The following DOK6 variants were observed in gnomAD, a reference collection of about 807,000 sequenced individuals.
DOK6 encodes the protein docking protein 6, also known as downstream of tyrosine kinase 6.
A neutral mutation model predicts 44.0 loss-of-function variants in DOK6; 22 were observed. That is an observed-to-expected ratio of 0.50 (90% CI 0.36 to 0.71). The LOEUF is 0.71. Among genes scored for constraint, DOK6 ranks in the 30% least tolerant of loss-of-function variants. The pLI, the probability that DOK6 is intolerant of heterozygous loss-of-function variation, is 0.00. For missense variants in DOK6, 340 were observed against 416.4 expected (o/e 0.82, Z 1.60); for synonymous variants, 166 against 145.5 (o/e 1.14, Z -1.01).
chr18:69,735,524 G>T (rs892209641), intron 5 of DOK6, among the ~76,000 whole-genome samples: 1 of 152,238 alleles, frequency 6.6e-6, no homozygotes, highest in Non-Finnish European at 1.5e-5. Flanking sequence ...GGTTGCATGG[G>T]GACACCCTTA....
intron 7 of DOK6, among the ~76,000 whole-genome samples, chr18:69,786,536 AT>A (rs1980435865): frequency 6.6e-6 from 1 of 152,220 alleles, no homozygotes; most frequent in Non-Finnish European, 1.5e-5. Context: ...GGTGAGATCA[AT>A]TAATTTTCCT....
rs149613925 is a variant in DOK6, at chr18:69,564,664, A to T, written c.174+70A>T. 549 of 1,275,244 alleles carry T rather than the reference A, an allele frequency of 4.3e-4. 4 individuals are homozygous for T. In the East Asian group the frequency reaches 0.011, roughly 26 times the overall value. 79.0% of individuals were successfully genotyped at this position (1,275,244 alleles called of 1,614,324 possible). ...GAAGACTTGTGGAGATATTTCTTTGATAAATGAAATCTTCAGTGGCAAAAA... is the reference window on the plus strand; with the variant it reads ...GAAGACTTGTGGAGATATTTCTTTGTTAAATGAAATCTTCAGTGGCAAAAA... On this transcript the variant is annotated intron_variant, in intron 2 of 7. Coordinates refer to ENST00000382713, the MANE Select transcript of DOK6 (RefSeq NM_152721.6).
In DOK6 at chr18:69,749,707, G is replaced by A. The variant is rs183798343; in HGVS notation, c.739-8049G>A. Among the ~76,000 whole-genome samples the A allele has an allele frequency of 4.7e-3, 720 of 152,152 alleles. 3 individuals are homozygous for A. Among genetic ancestry groups the A allele is most frequent in the African/African-American group, 0.016 (658 of 41,524 alleles). On this transcript the variant is annotated intron_variant, in intron 6 of 7. Coordinates refer to ENST00000382713, the MANE Select transcript of DOK6 (RefSeq NM_152721.6). The stretch of plus-strand genomic sequence containing the variant: ...TGTAATCCCAGCACTCTAGGAGGCC[G>A]AGGCAGGTAGATCATGAGGTCAAGA...
At chr18:69,809,842 A>G (rs561983097) in intron 7 of DOK6, among the ~76,000 whole-genome samples, 37 of 152,096 alleles carry the variant, frequency 2.4e-4, no homozygotes, top group African/African-American at 8.9e-4. Context: ...GAAGACACAA[A>G]TAAATGAAAA....
At chr18:69,679,779 C>T (rs534294259) in intron 4 of DOK6, among the ~76,000 whole-genome samples, 10 of 152,222 alleles carry the variant, frequency 6.6e-5, no homozygotes, top group African/African-American at 2.2e-4. Context: ...GTATAATGTA[C>T]TTCTTTGGTT....
At chr18:69,403,242 T>G (rs1190886170) in intron 1 of DOK6, among the ~76,000 whole-genome samples, 1 of 151,834 alleles carries the variant, frequency 6.6e-6, no homozygotes, top group Non-Finnish European at 1.5e-5. Flanking sequence ...GGCCCTGGAG[T>G]CTATAGGATT....
At chr18:69,505,491 C>CTT (rs772908185) in intron 1 of DOK6, among the ~76,000 whole-genome samples, 965 of 88,532 alleles carry the variant, frequency 0.011, 35 homozygotes, top group East Asian at 0.044. Context: ...TACTCCCATT[C>CTT]TTTTTTTTTT....
intron 7 of DOK6, among the ~76,000 whole-genome samples, chr18:69,821,384 A>C (rs192741836): frequency 7.6e-4 from 115 of 152,296 alleles, no homozygotes; most frequent in Non-Finnish European, 1.2e-3. Context: ...CGGGGGTGGC[A>C]GTGAAGGGAA....
intron 1 of DOK6, among the ~76,000 whole-genome samples, chr18:69,513,766 C>T (rs1392037820): frequency 6.6e-6 from 1 of 152,046 alleles, no homozygotes; most frequent in Admixed American, 6.5e-5. Context: ...TGAATCAATG[C>T]ATTTGTATTT....
At chr18:69,605,601 A>T (rs972774266) in intron 3 of DOK6, among the ~76,000 whole-genome samples, 3 of 152,188 alleles carry the variant, frequency 2.0e-5, no homozygotes, top group Non-Finnish European at 4.4e-5. Flanking sequence ...TATAATTTTC[A>T]ATATTCAGGA....
At chr18:69,404,283 A>G (rs948280041) in intron 1 of DOK6, among the ~76,000 whole-genome samples, 1 of 152,200 alleles carries the variant, frequency 6.6e-6, no homozygotes, top group African/African-American at 2.4e-5. Context: ...AAGAGGTCAA[A>G]AAGGCCCTTG....
At chr18:69,507,798 A>G (rs1348204776) in intron 1 of DOK6, among the ~76,000 whole-genome samples, 4 of 152,172 alleles carry the variant, frequency 2.6e-5, no homozygotes, top group Non-Finnish European at 5.9e-5. Context: ...ATGAATAGAT[A>G]AAATCCTATG....
intron 1 of DOK6, among the ~76,000 whole-genome samples, chr18:69,467,845 ATTG>A (rs964110351): frequency 5.3e-5 from 8 of 152,094 alleles, no homozygotes; most frequent in African/African-American, 1.7e-4. Flanking sequence ...AATTATTATT[ATTG>A]TTGTGATATC....
At chr18:69,731,922 G>A (rs1978418831) in intron 5 of DOK6, among the ~76,000 whole-genome samples, 1 of 152,158 alleles carries the variant, frequency 6.6e-6, no homozygotes, top group African/African-American at 2.4e-5. Flanking sequence ...GCTGTTCCAT[G>A]TGATACACAC....
chr18:69,542,917 A>C (rs1419259083), intron 1 of DOK6, among the ~76,000 whole-genome samples: 1 of 151,438 alleles, frequency 6.6e-6, no homozygotes, highest in African/African-American at 2.4e-5. Context: ...CATTTCTTTT[A>C]CTTTTGATTT....
chr18:69,403,066 C>CGGCCTT (rs908482343), intron 1 of DOK6, among the ~76,000 whole-genome samples: 2 of 152,130 alleles, frequency 1.3e-5, no homozygotes, highest in Non-Finnish European at 2.9e-5. Context: ...TCATTTTTCT[C>CGGCCTT]GGCCTTTGAT....
At chr18:69,647,797 C>G (rs919967762) in intron 3 of DOK6, among the ~76,000 whole-genome samples, 5 of 152,030 alleles carry the variant, frequency 3.3e-5, no homozygotes, top group African/African-American at 9.7e-5. Flanking sequence ...TAGAGCAACT[C>G]CATGTCATCA....
intron 1 of DOK6, chr18:69,469,831 G>C (rs1980043056): frequency 4.6e-6 from 1 of 215,544 alleles, no homozygotes; most frequent in South Asian, 4.9e-5. Flanking sequence ...CGTGCCACTG[G>C]CTCCTGCAGC....
chr18:69,571,232 CAT>C (rs1983107985), intron 2 of DOK6, among the ~76,000 whole-genome samples: 1 of 151,022 alleles, frequency 6.6e-6, no homozygotes, highest in Non-Finnish European at 1.5e-5. Context: ...TTTAAGTTAA[CAT>C]AAAAATATGT....
Sources: allele counts gnomAD v4.1 joint callset (sites outside exome capture counted in the v4.1 genomes callset), GRCh38; gene constraint gnomAD v4.1.1; transcripts MANE v1.5; gene names NCBI Gene and HGNC (gene_info 2026-07-23, HGNC 2026-07-21).